Variants in PLXNB2 observed in about 807,000 individuals in gnomAD.
PLXNB2 encodes plexin B2.
Under a neutral mutation model 202.6 loss-of-function variants are expected in PLXNB2, and 85 were observed. That is an observed-to-expected ratio of 0.42 (90% CI 0.35 to 0.50). The LOEUF is 0.50. Ranked by LOEUF, PLXNB2 falls within the 20% of genes least tolerant of loss-of-function variation. PLXNB2 has a pLI of 0.02. For missense variants in PLXNB2, 2,063 were observed against 2,586.2 expected, an observed-to-expected ratio of 0.80 and a Z score of 4.39; for synonymous variants, 1,239 against 1,137.6, an observed-to-expected ratio of 1.09 and a Z score of -1.79.
In PLXNB2 at chr22:50,277,727, C is replaced by T; in HGVS notation, c.5060G>A (p.Arg1687Gln). 2 of 1,598,668 alleles carry T rather than the reference C, an allele frequency of 1.3e-6. No individual in the cohort carries two copies. The highest frequency in any genetic ancestry group is 1.1e-5 in the South Asian group (1 of 89,424). The change falls in exon 33 of 37, where the codon CGG becomes CAG. Residue 1687 changes from arginine to glutamine, a missense_variant. By Grantham distance (43) the Arg-to-Gln change is conservative (BLOSUM62 1). Coordinates refer to ENST00000359337, the MANE Select transcript of PLXNB2 (RefSeq NM_012401.4). ...GTTCTTGAGGATGTTCACCCAGAAC[C>T]GGAGCGGTAAGCTGAGGCAGAGCAG... ...HIWKTNSLPL[R>Q]FWVNILKNPH...
At chr22:50,276,451 C>T (rs1354428476) in intron 35 of PLXNB2, among the ~76,000 whole-genome samples, 178 bp downstream of exon 35, 2 of 41,376 alleles carry the variant, frequency 4.8e-5, no homozygotes, top group Admixed American at 2.8e-4. Flanking sequence ...AGGAGCAGCT[C>T]ATACTCCCCA....
At chr22:50,285,144 C>CACACCCATCAGCACTGGCCG (rs1428544619) in intron 11 of PLXNB2, among the ~76,000 whole-genome samples, 4 of 152,078 alleles carry the variant, frequency 2.6e-5, no homozygotes, top group Non-Finnish European at 5.9e-5. Context: ...AGGCTTCCCA[C>CACACCCATCAGCACTGGCCG]ACACCCATCA....
intron 2 of PLXNB2, among the ~76,000 whole-genome samples, chr22:50,292,542 G>A (rs2066950168): frequency 6.6e-6 from 1 of 152,152 alleles, no homozygotes. Context: ...CTGACATGCA[G>A]TGGGAGCAGC....
rs1290388043 is a variant in PLXNB2, at chr22:50,287,787, G to C, written c.1488C>G (p.Thr496=). 2 of 1,592,784 alleles carry C rather than the reference G, an allele frequency of 1.3e-6. No homozygotes were observed. Among genetic ancestry groups the C allele is most frequent in the Non-Finnish European group, 1.7e-6 (2 of 1,176,542 alleles). Residue 496 remains threonine, a synonymous_variant, in exon 7 of 37, where the codon ACC becomes ACG. Coordinates refer to ENST00000359337, the MANE Select transcript of PLXNB2 (RefSeq NM_012401.4). ...CGGCCCGCGGACACTCGGCCTTCCG[G>C]GTGCATCTGCAGGCGCAGGGGGCGG... is the stretch of plus-strand genomic sequence containing the variant. ...CGWCVVEGRC[T]RKAECPRAEE...
chr22:50,297,986 C>T lies in PLXNB2; in HGVS notation c.-73-3208G>A, dbSNP rs1219536850. On this transcript the variant is annotated intron_variant, in intron 1 of 36. Transcript: ENST00000359337. The surrounding 1 kb of genome is among the most constrained non-coding windows in gnomAD (Gnocchi z 5.3). ...GAAAGCCCCTGCCCATCCTTTAGAC[C>T]CCGAGACACCCTCCCTAACCCAGCC... Among the ~76,000 whole-genome samples, 1 of 152,190 alleles carries T rather than the reference C, an allele frequency of 6.6e-6. No individual in the cohort carries two copies. The highest frequency in any genetic ancestry group is 1.9e-4 in the East Asian group (1 of 5,190).
intron 2 of PLXNB2, among the ~76,000 whole-genome samples, 160 bp from the exon 3 acceptor site, chr22:50,290,757 C>G (rs933234900): frequency 2.0e-5 from 3 of 152,216 alleles, no homozygotes; most frequent in African/African-American, 7.2e-5. Flanking sequence ...TTCACACCCC[C>G]GCCATCCTCG....
intron 11 of PLXNB2, among the ~76,000 whole-genome samples, chr22:50,285,209 C>T (rs1373081749): frequency 2.3e-5 from 3 of 132,816 alleles, no homozygotes; most frequent in Non-Finnish European, 4.9e-5. Context: ...CCAACCGGCA[C>T]CCCCTCCCTC....
chr22:50,283,603 G>A lies in PLXNB2; in HGVS notation c.2569C>T (p.Arg857Trp), dbSNP rs751289776. ...FQPERYSVSTRIVCVIEAAET... is the reference protein window; with the variant it reads ...FQPERYSVSTWIVCVIEAAET... Reference sequence around the variant, plus strand: ...CCCAGACCAGGGCCGTCCACTCACCGGGTGGACACGGAGTAACGTTCCGGC... The same window carrying A: ...CCCAGACCAGGGCCGTCCACTCACCAGGTGGACACGGAGTAACGTTCCGGC... The change falls in exon 15 of 37, where the codon CGG (arginine) becomes TGG (tryptophan). Residue 857 changes from arginine to tryptophan, a missense_variant and splice_region_variant. This residue lies in a region of PLXNB2 where 1,303 missense variants were observed against 1,476.8 expected (regional missense o/e 0.88). Transcript: ENST00000359337. The A allele has an allele frequency of 9.8e-6, 15 of 1,533,218 alleles. No individual in the cohort carries two copies. The highest frequency in any genetic ancestry group is 1.8e-5 in the Admixed American group (1 of 57,110). 95.0% of individuals were successfully genotyped at this position (1,533,218 alleles called of 1,614,324 possible).
intron 19 of PLXNB2, 38 bp downstream of exon 19, chr22:50,282,146 T>G (rs749298242): frequency 6.2e-7 from 1 of 1,604,236 alleles, no homozygotes; most frequent in Non-Finnish European, 8.5e-7. Context: ...CACGATCCCA[T>G]GGGCCGGTGC....
intron 2 of PLXNB2, among the ~76,000 whole-genome samples, chr22:50,293,476 C>T (rs1035177077): frequency 4.6e-5 from 7 of 152,202 alleles, no homozygotes; most frequent in African/African-American, 1.4e-4. Context: ...CTCGGCCCTG[C>T]GCCCAGGCCT....
chr22:50,279,801 G>T, intron 26 of PLXNB2, 25 bp from the exon 27 acceptor site: 3 of 1,612,990 alleles, frequency 1.9e-6, no homozygotes, highest in Non-Finnish European at 2.5e-6. Context: ...AGGGGAGGCT[G>T]GGAGGTCAGG....
chr22:50,280,158 C>T (rs1398656601), intron 25 of PLXNB2, 87 bp from the exon 26 acceptor site: 8 of 1,073,842 alleles, frequency 7.4e-6, no homozygotes, highest in African/African-American at 1.6e-5. Flanking sequence ...GCCACCCTTG[C>T]GCCAGCCTCG....
chr22:50,303,011 T>C (rs1347269808), intron 1 of PLXNB2, among the ~76,000 whole-genome samples: 1 of 151,964 alleles, frequency 6.6e-6, no homozygotes, highest in African/African-American at 2.4e-5. Flanking sequence ...GTCCCTGAAA[T>C]ACTTGGATTA....
chr22:50,284,900 C>A lies in PLXNB2; in HGVS notation c.2089-235G>T, dbSNP rs1182396788. Reference sequence around the variant, plus strand: ...TGTGGGTTTCCCACGGCCACCTCCACCACTCATCCACACCTGAGAACATCG... The same window carrying A: ...TGTGGGTTTCCCACGGCCACCTCCAACACTCATCCACACCTGAGAACATCG... On this transcript the variant is annotated intron_variant, in intron 11 of 36. Transcript: ENST00000359337. The surrounding 1 kb of genome is among the most constrained non-coding windows in gnomAD (Gnocchi z 8.0). The A allele has an allele frequency of 1.5e-6, 1 of 651,006 alleles. No homozygotes were observed. Among genetic ancestry groups the A allele is most frequent in the East Asian group, 3.1e-5 (1 of 31,850 alleles). 40.3% of individuals were successfully genotyped at this position (651,006 alleles called of 1,614,324 possible). A position where few individuals can be genotyped will look rare whatever the true frequency, so the allele number is the denominator to read the frequency against.
rs776773061 is a variant in PLXNB2 at position 50,277,752 on chromosome 22, G to C, written c.5049-14C>G. 1 of 1,593,798 alleles carries C rather than the reference G, an allele frequency of 6.3e-7. No homozygotes were observed. The highest frequency in any genetic ancestry group is 8.6e-7 in the Non-Finnish European group (1 of 1,166,386). On this transcript the variant is annotated splice_polypyrimidine_tract_variant and intron_variant, in intron 32 of 36. Transcript: ENST00000359337. ...CGGAGCGGTAAGCTGAGGCAGAGCA[G>C]CAGGGAATGAGAGCCGGGGCTGGGC... is the stretch of plus-strand genomic sequence containing the variant.
intron 1 of PLXNB2, among the ~76,000 whole-genome samples, chr22:50,305,711 C>G (rs567346190): frequency 6.6e-6 from 1 of 152,242 alleles, no homozygotes; most frequent in East Asian, 1.9e-4. Flanking sequence ...ACGCACAGGT[C>G]ACTGGCACAG....
chr22:50,276,430 T>TGGATGGAGCCGCAGGGAGGG (rs1601667928), intron 35 of PLXNB2, among the ~76,000 whole-genome samples, 199 bp downstream of exon 35: 3 of 3,520 alleles, frequency 8.5e-4, no homozygotes, highest in Non-Finnish European at 1.4e-3. Context: ...GGGCAGGGCC[T>TGGATGGAGCCGCAGGGAGGG]GGCTCCAAGC....
At position 50,288,644 on chromosome 22, in the gene PLXNB2, C is replaced by T; in HGVS notation, c.1380+99G>A. On this transcript the variant is annotated intron_variant, in intron 5 of 36. Coordinates refer to ENST00000359337, the MANE Select transcript of PLXNB2 (RefSeq NM_012401.4). This position sits in a 1 kb window ranked among gnomAD's most constrained non-coding sequence, Gnocchi z 5.0. ...GGAGAAGGGCCCAGCTCTGCAGCACCCCATCCTCCTCTGGCCCCCAGGCCT... is the reference window on the plus strand; with the variant it reads ...GGAGAAGGGCCCAGCTCTGCAGCACTCCATCCTCCTCTGGCCCCCAGGCCT... 3.3e-6 allele frequency: 5 copies of T among 1,514,202 alleles called. No individual in the cohort carries two copies. The South Asian group carries it at 6.3e-5, about 19-fold the overall frequency. 93.8% of individuals were successfully genotyped at this position (1,514,202 alleles called of 1,614,324 possible).
chr22:50,292,179 C>T (rs1056379742), intron 2 of PLXNB2, among the ~76,000 whole-genome samples: 2 of 151,718 alleles, frequency 1.3e-5, no homozygotes, highest in African/African-American at 4.8e-5. Context: ...CTACTAAAAA[C>T]ACAAAAAAAT....
Sources: allele counts gnomAD v4.1 joint callset (sites outside exome capture counted in the v4.1 genomes callset), GRCh38; gene constraint gnomAD v4.1.1; regional missense constraint gnomAD v4.1.1; non-coding constraint Gnocchi (gnomAD v3.1); transcripts MANE v1.5; gene names NCBI Gene and HGNC (gene_info 2026-07-23, HGNC 2026-07-21).